CCDC171: variants seen among roughly 807,000 people sequenced by gnomAD.
CCDC171 encodes coiled-coil domain-containing protein 171.
A neutral mutation model predicts 168.2 loss-of-function variants in CCDC171; 177 were observed. That is an observed-to-expected ratio of 1.05 (90% CI 0.93 to 1.19). The LOEUF is 1.19. Ranked by LOEUF, CCDC171 falls within the 50% of genes most tolerant of loss-of-function variation. The pLI is 0.00. For missense variants in CCDC171, 1,991 were observed against 1,539.0 expected (o/e 1.29, Z -4.91); for synonymous variants, 687 against 540.8 (o/e 1.27, Z -3.75).
intron 6 of CCDC171, chr9:16,022,927 G>A (rs1651825259): frequency 6.6e-6 from 1 of 152,160 alleles, no homozygotes; most frequent in African/African-American, 2.4e-5. Context: ...CCTTTCATAT[G>A]TTGAATTACC....
chr9:15,703,131 C>G (rs1448878231), intron 11 of CCDC171, among the ~76,000 whole-genome samples: 2 of 152,126 alleles, frequency 1.3e-5, no homozygotes, highest in Admixed American at 6.5e-5. Flanking sequence ...GTCTCGAACT[C>G]CTGACCTTAA....
chr9:15,594,760 C>G (rs1417898004), intron 6 of CCDC171, among the ~76,000 whole-genome samples: 2 of 152,092 alleles, frequency 1.3e-5, no homozygotes, highest in East Asian at 3.9e-4. Flanking sequence ...AATTCTCACT[C>G]CAGTGTACTT....
intron 11 of CCDC171, among the ~76,000 whole-genome samples, chr9:15,700,524 C>A (rs543571862): frequency 6.6e-6 from 1 of 152,266 alleles, no homozygotes; most frequent in African/African-American, 2.4e-5. Context: ...TCCTTAAGTG[C>A]CGCCAAGGTT....
intron 3 of CCDC171, among the ~76,000 whole-genome samples, chr9:16,004,606 C>G (rs1195866618): frequency 1.3e-5 from 2 of 152,122 alleles, no homozygotes; most frequent in African/African-American, 2.4e-5. Flanking sequence ...CTCTAGGTGT[C>G]CATTTGCAAC....
At chr9:15,786,218 G>A (rs778477031) in intron 21 of CCDC171, among the ~76,000 whole-genome samples, 1 of 152,022 alleles carries the variant, frequency 6.6e-6, no homozygotes, top group Non-Finnish European at 1.5e-5. Context: ...TTACATAAAT[G>A]AGAATGTACC....
intron 24 of CCDC171, among the ~76,000 whole-genome samples, chr9:15,919,174 C>A (rs897908242): frequency 6.6e-6 from 1 of 151,578 alleles, no homozygotes; most frequent in Non-Finnish European, 1.5e-5. Context: ...TGAAAAAGAT[C>A]TGAGCTGGTT....
chr9:15,630,677 T>A (rs957695175), intron 7 of CCDC171, among the ~76,000 whole-genome samples: 3 of 152,194 alleles, frequency 2.0e-5, no homozygotes, highest in Non-Finnish European at 4.4e-5. Context: ...CAAGCAGACC[T>A]AATAGACATC....
the CCDC171 span, among the ~76,000 whole-genome samples, chr9:16,094,057 C>G: frequency 6.6e-6 from 1 of 152,148 alleles, no homozygotes; most frequent in Non-Finnish European, 1.5e-5. Context: ...TGGACTCAGG[C>G]TAAGCCAGGA....
chr9:15,554,751 A>G (rs775468789), intron 1 of CCDC171, among the ~76,000 whole-genome samples: 2 of 152,218 alleles, frequency 1.3e-5, no homozygotes, highest in Admixed American at 1.3e-4. Context: ...AGCACTGCGT[A>G]GTGAAAGAGG....
At chr9:16,017,289 T>A (rs188659774) in intron 3 of CCDC171, among the ~76,000 whole-genome samples, 31 of 149,732 alleles carry the variant, frequency 2.1e-4, no homozygotes, top group Non-Finnish European at 3.6e-4. Flanking sequence ...ATTGTCATTA[T>A]TTTTTTCAAA....
intron 3 of CCDC171, among the ~76,000 whole-genome samples, chr9:16,019,827 G>A (rs140002671): frequency 1.3e-5 from 2 of 152,296 alleles, no homozygotes; most frequent in African/African-American, 2.4e-5. Flanking sequence ...ATGATTTCAA[G>A]GGTATCAAAG....
At chr9:15,866,592 A>G (rs574803251) in intron 23 of CCDC171, among the ~76,000 whole-genome samples, 4 of 152,002 alleles carry the variant, frequency 2.6e-5, no homozygotes, top group African/African-American at 7.2e-5. Context: ...GAAATACTGA[A>G]TGTAAGGTAA....
intron 25 of CCDC171, among the ~76,000 whole-genome samples, chr9:15,953,083 G>A (rs998145487): frequency 5.3e-5 from 8 of 152,060 alleles, no homozygotes; most frequent in Non-Finnish European, 1.2e-4. Flanking sequence ...ATTTTGTGTG[G>A]AATCTTTAGG....
chr9:16,096,998 T>C, the CCDC171 span, among the ~76,000 whole-genome samples: 7 of 151,716 alleles, frequency 4.6e-5, 1 homozygote, highest in Admixed American at 4.6e-4. Context: ...AAGGGGAAAA[T>C]AGAAATTCGG....
intron 16 of CCDC171, among the ~76,000 whole-genome samples, chr9:15,743,138 CTTTTTTTT>C (rs66642691): frequency 1.4e-5 from 1 of 73,270 alleles, no homozygotes; most frequent in African/African-American, 5.7e-5. Flanking sequence ...CTGTTACCTT[CTTTTTTTT>C]TTTTTTTTTT....
At chr9:15,641,504 G>A (rs1400195138) in intron 7 of CCDC171, among the ~76,000 whole-genome samples, 1 of 152,156 alleles carries the variant, frequency 6.6e-6, no homozygotes. Flanking sequence ...AGAGGCCCAT[G>A]GAAACCATAG....
rs182225386 is a variant in CCDC171 at position 15,706,426 on chromosome 9, C to G, written c.1318+11089C>G. ...CACCTCAGCTCCCAAGTAGCTGGGACTACAGCACATGCCATCATGCTTGGC... is the reference window on the plus strand; with the variant it reads ...CACCTCAGCTCCCAAGTAGCTGGGAGTACAGCACATGCCATCATGCTTGGC... On this transcript the variant is annotated intron_variant, in intron 11 of 25. Transcript: ENST00000380701. Among the ~76,000 whole-genome samples, 15 of 152,070 alleles carry G rather than the reference C, an allele frequency of 9.9e-5. No individual in the cohort carries two copies. In the East Asian group the frequency reaches 2.9e-3, roughly 29 times the overall value.
chr9:15,724,708 A>G (rs563297867), intron 13 of CCDC171, 68 bp from the exon 14 acceptor site: 2 of 968,218 alleles, frequency 2.1e-6, no homozygotes, highest in South Asian at 1.4e-5. Flanking sequence ...TATGTGTTTT[A>G]TACTAGTGTC....
intron 25 of CCDC171, chr9:15,922,243 C>T: frequency 3.0e-6 from 1 of 332,066 alleles, no homozygotes; most frequent in Admixed American, 2.6e-5. Flanking sequence ...CATGTCTTGA[C>T]AGGATGTGTG....
Sources: gnomAD v4.1 joint callset for allele counts (sites outside exome capture counted in the v4.1 genomes callset) on GRCh38, gnomAD v4.1.1 for gene constraint, MANE v1.5 for transcripts, NCBI Gene and HGNC (gene_info 2026-07-23, HGNC 2026-07-21) for gene names.